The following TENM1 variants were observed in gnomAD, a reference collection of about 807,000 sequenced individuals.
The protein encoded by TENM1 is teneurin transmembrane protein 1.
A neutral mutation model predicts 174.8 loss-of-function variants in TENM1; 35 were observed. The ratio of observed to expected loss-of-function variants is 0.20; its 90% CI spans 0.15 to 0.27. The LOEUF is 0.27. Ranked by LOEUF, TENM1 falls within the 10% of genes least tolerant of loss-of-function variation. The pLI, the probability that TENM1 is intolerant of heterozygous loss-of-function variation, is 1.00. For synonymous variants in TENM1, 781 were observed against 798.7 expected (o/e 0.98, Z 0.37); for missense variants, 1,633 against 2,130.1 (o/e 0.77, Z 4.59).
Position 124,396,390 on chromosome X carries a change from C to T in TENM1, c.5392-4042G>A, listed in dbSNP as rs763486941. 1.7e-3 allele frequency among the ~76,000 whole-genome samples: 185 copies of T among 105,992 alleles called. 1 individual carries two copies. The highest frequency in any genetic ancestry group is 6.1e-3 in the African/African-American group (175 of 28,526). The allele number at this position is 105,992 out of a possible 115,157, so 92.0% of individuals were successfully genotyped here. A position where few individuals can be genotyped will look rare whatever the true frequency, so the allele number is the denominator to read the frequency against. The stretch of plus-strand genomic sequence containing the variant: ...CGATCTTGGCTCACTGCAACCTCCA[C>T]TTCCTGGTTCAAGCGATTCTCCTGC... On this transcript the variant is annotated intron_variant, in intron 27 of 31. Coordinates refer to ENST00000422452, the Ensembl canonical transcript of TENM1.
chrX:124,644,982 C>A (rs750612493), intron 10 of TENM1, among the ~76,000 whole-genome samples, 161 bp downstream of exon 13: 1 of 111,518 alleles, frequency 9.0e-6, no homozygotes, highest in East Asian at 2.8e-4. Context: ...TCAGAAGAGA[C>A]AAGAGCTCCG....
At chrX:124,678,579 C>T (rs1012272804) in intron 5 of TENM1, among the ~76,000 whole-genome samples, 2 of 111,353 alleles carry the variant, frequency 1.8e-5, no homozygotes, top group South Asian at 7.4e-4. Context: ...TCTTTTATTG[C>T]TATTTTCTGT....
At chrX:124,933,830 A>T (rs2058207343) in intron 1 of TENM1, among the ~76,000 whole-genome samples, 2 of 111,693 alleles carry the variant, frequency 1.8e-5, no homozygotes, top group African/African-American at 6.5e-5. Flanking sequence ...ATTCCATTGC[A>T]TTTTAGGACC....
At chrX:124,999,042 T>C in the TENM1 span, among the ~76,000 whole-genome samples, 1 of 111,004 alleles carries the variant, frequency 9.0e-6, no homozygotes, top group Non-Finnish European at 1.9e-5. Context: ...ATAAATTCAT[T>C]TGGGAACAAA....
At chrX:124,699,329 A>G (rs1031030026) in intron 5 of TENM1, among the ~76,000 whole-genome samples, 1 of 110,608 alleles carries the variant, frequency 9.0e-6, no homozygotes, top group Non-Finnish European at 1.9e-5. Context: ...GTCCCCCTTT[A>G]TTATGCCTAC....
At chrX:124,997,947 G>A in the TENM1 span, among the ~76,000 whole-genome samples, 1 of 110,014 alleles carries the variant, frequency 9.1e-6, no homozygotes, top group Admixed American at 9.8e-5. Context: ...GAAGGTCAAG[G>A]CAATGATCCT....
chrX:124,956,933 G>C (rs2058582376), intron 1 of TENM1, among the ~76,000 whole-genome samples: 1 of 112,094 alleles, frequency 8.9e-6, no homozygotes, highest in Admixed American at 9.5e-5. Flanking sequence ...TTAAACTACT[G>C]CTAAATGCCT....
intron 4 of TENM1, among the ~76,000 whole-genome samples, chrX:124,710,357 G>A (rs769533548): frequency 2.0e-4 from 22 of 111,991 alleles, no homozygotes; most frequent in Non-Finnish European, 3.4e-4. Flanking sequence ...TTTACTTAAT[G>A]TTTGGAGATA....
intron 23 of TENM1, among the ~76,000 whole-genome samples, chrX:124,438,937 A>G (rs1383801812): frequency 8.9e-6 from 1 of 112,121 alleles, no homozygotes; most frequent in Non-Finnish European, 1.9e-5. Context: ...GTCTCATTGC[A>G]TTGTTTCTCC....
intron 4 of TENM1, among the ~76,000 whole-genome samples, chrX:124,735,927 CA>C (rs1462302004): frequency 9.0e-6 from 1 of 110,819 alleles, no homozygotes; most frequent in Non-Finnish European, 1.9e-5. Flanking sequence ...CTTGGGACTC[CA>C]AAAAAGGGAG....
intron 3 of TENM1, among the ~76,000 whole-genome samples, chrX:124,830,562 T>C (rs1335464446): frequency 9.0e-6 from 1 of 111,545 alleles, no homozygotes; most frequent in Non-Finnish European, 1.9e-5. Context: ...ATGGAAATCA[T>C]GAAAAGATTG....
chrX:125,057,123 T>C, the TENM1 span, among the ~76,000 whole-genome samples: 1 of 111,996 alleles, frequency 8.9e-6, no homozygotes, highest in African/African-American at 3.2e-5. Flanking sequence ...TAAAGGATGC[T>C]CTCTCATTTT....
chrX:124,758,772 C>G (rs1310955480), intron 3 of TENM1, among the ~76,000 whole-genome samples: 1 of 111,678 alleles, frequency 9.0e-6, no homozygotes, highest in Admixed American at 9.5e-5. Context: ...GTGGATAAGT[C>G]AGACACAGAA....
At chrX:125,128,080 AC>A in the TENM1 span, among the ~76,000 whole-genome samples, 1 of 111,518 alleles carries the variant, frequency 9.0e-6, no homozygotes, top group East Asian at 2.8e-4. Flanking sequence ...CAACCCCTCC[AC>A]AAAAAGCTTG....
the TENM1 span, among the ~76,000 whole-genome samples, chrX:125,194,722 T>C: frequency 8.9e-6 from 1 of 111,802 alleles, no homozygotes; most frequent in South Asian, 3.8e-4. Context: ...CTGACCTCTG[T>C]TCCCCAGGCT....
At chrX:124,940,117 C>T (rs748143443) in intron 1 of TENM1, among the ~76,000 whole-genome samples, 6 of 111,812 alleles carry the variant, frequency 5.4e-5, no homozygotes, top group Non-Finnish European at 9.4e-5. Flanking sequence ...CATGTGTGAA[C>T]ATCTGACCTA....
chrX:125,009,917 G>A, the TENM1 span, among the ~76,000 whole-genome samples: 1 of 111,473 alleles, frequency 9.0e-6, no homozygotes, highest in Non-Finnish European at 1.9e-5. Context: ...CAAACCCATA[G>A]CCAATTTCAT....
upstream of TENM1, among the ~76,000 whole-genome samples, chrX:124,964,480 G>A (rs1422613010): frequency 9.0e-6 from 1 of 111,441 alleles, no homozygotes; most frequent in African/African-American, 3.3e-5. Flanking sequence ...AACACTTCTG[G>A]TGAGTATACT....
chrX:125,035,268 C>T, the TENM1 span, among the ~76,000 whole-genome samples: 9 of 111,273 alleles, frequency 8.1e-5, no homozygotes, highest in Admixed American at 8.6e-4. Flanking sequence ...TTGATAAGAG[C>T]ACCAAGAGTC....
Sources: allele counts gnomAD v4.1 joint callset (sites outside exome capture counted in the v4.1 genomes callset), GRCh38; gene constraint gnomAD v4.1.1; transcripts MANE v1.5; gene names NCBI Gene and HGNC (gene_info 2026-07-23, HGNC 2026-07-21).